ZNF469: variants seen among roughly 807,000 people sequenced by gnomAD.
ZNF469 encodes zinc finger protein 469.
Under a neutral mutation model 1.0 loss-of-function variants are expected in ZNF469, and 1 was observed. The ratio of observed to expected loss-of-function variants is 1.00; its 90% confidence interval spans 0.35 to 4.73. The LOEUF (loss-of-function observed/expected upper bound fraction) is 4.73, where lower values mean the gene tolerates loss of function less well. ZNF469 is among the 30% of genes most tolerant of loss of function. ZNF469 has a pLI of 0.16. For missense variants in ZNF469, 6,100 were observed against 5,356.3 expected (o/e 1.14, Z -4.33); for synonymous variants, 2,703 against 2,363.4 (o/e 1.14, Z -4.17).
chr16:88,334,183 T>C, the ZNF469 span, among the ~76,000 whole-genome samples: 1 of 152,124 alleles, frequency 6.6e-6, no homozygotes, highest in Non-Finnish European at 1.5e-5. Context: ...GTTACAAATG[T>C]CACTCCCTTT....
the ZNF469 span, among the ~76,000 whole-genome samples, chr16:88,227,532 CTCCCCG>C: frequency 7.1e-6 from 1 of 140,438 alleles, no homozygotes; most frequent in African/African-American, 2.9e-5. Context: ...ATCTCCCCAT[CTCCCCG>C]TCTCCCCTTC....
At chr16:88,309,404 G>T in the ZNF469 span, among the ~76,000 whole-genome samples, 2 of 151,992 alleles carry the variant, frequency 1.3e-5, no homozygotes, top group South Asian at 4.2e-4. Flanking sequence ...GACACCTGGT[G>T]GGGGGAGTGC....
At position 88,432,170 on chromosome 16, in the gene ZNF469, T is replaced by C. The variant is rs754549081; in HGVS notation, c.4700T>C (p.Leu1567Ser). 2 of 1,550,158 alleles carry C rather than the reference T, an allele frequency of 1.3e-6. No homozygotes were observed. The highest frequency in any genetic ancestry group is 2.0e-5 in the Admixed American group (1 of 50,974). The change falls in exon 3 of 3, where the codon TTG (leucine) becomes TCG (serine). Residue 1567 changes from leucine to serine, a missense_variant. Transcript: ENST00000565624. ...LSEDELEIQK[L>S]VTELESQLQR... The stretch of plus-strand genomic sequence containing the variant: ...GAGGATGAACTGGAGATCCAGAAAT[T>C]GGTCACCGAATTAGAAAGTCAGCTG...
At chr16:88,338,714 T>G in the ZNF469 span, among the ~76,000 whole-genome samples, 4 of 151,896 alleles carry the variant, frequency 2.6e-5, no homozygotes, top group African/African-American at 9.7e-5. Context: ...GGTGTCCTTA[T>G]CAGAAGGGGG....
the ZNF469 span, among the ~76,000 whole-genome samples, chr16:88,248,968 C>T: frequency 6.6e-6 from 1 of 152,188 alleles, no homozygotes; most frequent in Admixed American, 6.5e-5. Context: ...CCACCTTCCT[C>T]AGTGTGTCTG....
chr16:88,109,915 T>A, the ZNF469 span, among the ~76,000 whole-genome samples: 1 of 152,242 alleles, frequency 6.6e-6, no homozygotes, highest in Non-Finnish European at 1.5e-5. Flanking sequence ...GATGGACTCT[T>A]ACCAAATGTT....
At chr16:88,427,284 C>A (rs756496144) in intron 2 of ZNF469, among the ~76,000 whole-genome samples, 61 bp from the exon 3 acceptor site, 3 of 152,154 alleles carry the variant, frequency 2.0e-5, no homozygotes, top group Non-Finnish European at 2.9e-5. Context: ...CTAGAAGCTC[C>A]CTGTCTAGGC....
chr16:88,373,557 A>G, the ZNF469 span, among the ~76,000 whole-genome samples: 14 of 152,282 alleles, frequency 9.2e-5, no homozygotes, highest in African/African-American at 3.1e-4. Context: ...TCATCTGTAA[A>G]GTGAAAAGCC....
chr16:88,167,305 G>A, the ZNF469 span, among the ~76,000 whole-genome samples: 4 of 151,954 alleles, frequency 2.6e-5, no homozygotes, highest in Non-Finnish European at 4.4e-5. Flanking sequence ...CAGGTGATCC[G>A]CCCGCCTCGG....
the ZNF469 span, among the ~76,000 whole-genome samples, chr16:88,366,908 A>G: frequency 1.8e-4 from 27 of 152,170 alleles, no homozygotes; most frequent in African/African-American, 6.5e-4. Context: ...CACCAAGACC[A>G]TCATCATCAT....
Position 88,434,481 on chromosome 16 carries a change from C to T in ZNF469, c.7011C>T (p.Leu2337=), listed in dbSNP as rs748233261. 48 of 1,549,930 alleles carry T rather than the reference C, an allele frequency of 3.1e-5. No individual in the cohort carries two copies. In the South Asian group the frequency reaches 3.4e-4, roughly 11 times the overall value. The change falls in exon 3 of 3, where the codon CTC becomes CTT. Residue 2337 remains leucine, a synonymous_variant. Coordinates refer to ENST00000565624, the MANE Select transcript of ZNF469 (RefSeq NM_001367624.2). ...ATTCTCCAAGCAATACTGCCCGCCT[C>T]GGCCACAGGGAGGGCCAGGCTGTCA... ...SSYSPSNTAR[L]GHREGQAVTA...
the ZNF469 span, among the ~76,000 whole-genome samples, chr16:88,216,248 C>A: frequency 6.6e-6 from 1 of 152,156 alleles, no homozygotes; most frequent in East Asian, 1.9e-4. Flanking sequence ...GTAATCCCAG[C>A]ACTTTGGGAG....
chr16:88,400,573 A>G (rs923067960), intron 1 of ZNF469, among the ~76,000 whole-genome samples: 1 of 152,098 alleles, frequency 6.6e-6, no homozygotes, highest in African/African-American at 2.4e-5. Context: ...CAGGGACCCA[A>G]CTGCTCCACA....
At chr16:88,158,467 G>T in the ZNF469 span, among the ~76,000 whole-genome samples, 1 of 152,148 alleles carries the variant, frequency 6.6e-6, no homozygotes, top group African/African-American at 2.4e-5. Flanking sequence ...CAGGCTGGGG[G>T]CCTCGGACTC....
the ZNF469 span, among the ~76,000 whole-genome samples, chr16:88,264,085 C>A: frequency 1.3e-5 from 2 of 152,102 alleles, no homozygotes; most frequent in Non-Finnish European, 2.9e-5. Context: ...CTCCCCACCC[C>A]CCAGGACCTG....
chr16:88,306,979 C>T, the ZNF469 span, among the ~76,000 whole-genome samples: 1 of 152,162 alleles, frequency 6.6e-6, no homozygotes, highest in African/African-American at 2.4e-5. Context: ...AACTCCAGGC[C>T]CTTTATCATC....
At chr16:88,153,192 G>C in the ZNF469 span, among the ~76,000 whole-genome samples, 2 of 152,314 alleles carry the variant, frequency 1.3e-5, no homozygotes, top group African/African-American at 4.8e-5. Flanking sequence ...TCTGCACTCC[G>C]GGAACCCAGG....
At chr16:88,335,960 G>A in the ZNF469 span, among the ~76,000 whole-genome samples, 746 of 145,980 alleles carry the variant, frequency 5.1e-3, 15 homozygotes, top group East Asian at 0.052. Flanking sequence ...CCAATGCCAC[G>A]CATGTTCATC....
chr16:88,383,459 G>A (rs1215365522), intron 1 of ZNF469, among the ~76,000 whole-genome samples: 2 of 148,710 alleles, frequency 1.3e-5, no homozygotes, highest in Non-Finnish European at 3.0e-5. Context: ...TCCCGGGCCC[G>A]GACGTGCGGG....
Sources: gnomAD v4.1 joint callset for allele counts (sites outside exome capture counted in the v4.1 genomes callset) on GRCh38, gnomAD v4.1.1 for gene constraint, MANE v1.5 for transcripts, NCBI Gene and HGNC (gene_info 2026-07-23, HGNC 2026-07-21) for gene names.